Variants in NEGR1 observed in about 807,000 individuals in gnomAD.
The protein encoded by NEGR1 is neuronal growth regulator 1.
In NEGR1, 10 loss-of-function variants were observed where a neutral mutation model predicts 40.9. The observed-to-expected ratio is 0.24, with a 90% CI of 0.15 to 0.42. The LOEUF (loss-of-function observed/expected upper bound fraction) is 0.42, where lower values mean the gene tolerates loss of function less well. Ranked by LOEUF, NEGR1 falls within the 10% of genes least tolerant of loss-of-function variation. The probability of loss-of-function intolerance (pLI) is 1.00; values close to 1 mark genes in which losing one functional copy is unlikely to be tolerated. For missense variants in NEGR1, 352 were observed against 438.9 expected (o/e 0.80, Z 1.77); for synonymous variants, 185 against 166.8 (o/e 1.11, Z -0.84).
chr1:71,698,261 A>G lies in NEGR1; in HGVS notation c.536-122T>C. 6.0e-6 allele frequency: 5 copies of G among 834,184 alleles called. No individual in the cohort carries two copies. In the South Asian group the frequency reaches 9.0e-5, roughly 15 times the overall value. The allele number at this position is 834,184 out of a possible 1,614,324, so 51.7% of individuals were successfully genotyped here. On this transcript the variant is annotated intron_variant, in intron 3 of 6. Transcript: ENST00000357731. ...AAACAATTCCAAATGAAACTGGGGAATTATTAAACCTTTTGTTCTTCTATG... is the reference window on the plus strand; with the variant it reads ...AAACAATTCCAAATGAAACTGGGGAGTTATTAAACCTTTTGTTCTTCTATG...
chr1:71,999,041 T>C (rs1474914348), intron 1 of NEGR1, among the ~76,000 whole-genome samples: 3 of 151,954 alleles, frequency 2.0e-5, no homozygotes. Flanking sequence ...ATTGAATGAA[T>C]TGGCTTCTAC....
chr1:71,611,000 C>A (rs755128597), intron 5 of NEGR1, 26 bp downstream of exon 5: 1 of 1,611,436 alleles, frequency 6.2e-7, no homozygotes, highest in Non-Finnish European at 8.5e-7. Flanking sequence ...GTGCTTAGAA[C>A]ACAGTAATAA....
At chr1:71,586,458 G>A (rs939032128) in intron 6 of NEGR1, among the ~76,000 whole-genome samples, 1 of 152,120 alleles carries the variant, frequency 6.6e-6, no homozygotes, top group Admixed American at 6.6e-5. Context: ...TTATTTGGAG[G>A]AATAAAGGGT....
intron 1 of NEGR1, among the ~76,000 whole-genome samples, chr1:72,014,997 A>C (rs1646696360): frequency 6.6e-6 from 1 of 152,090 alleles, no homozygotes; most frequent in African/African-American, 2.4e-5. Context: ...TTTTCTAAGG[A>C]TCAATTATTT....
intron 6 of NEGR1, among the ~76,000 whole-genome samples, chr1:71,584,458 G>C (rs1286275821): frequency 6.6e-6 from 1 of 152,164 alleles, no homozygotes; most frequent in Non-Finnish European, 1.5e-5. Context: ...GAAATAGGAA[G>C]TTTAATCATA....
chr1:72,153,308 T>C (rs1450625927), intron 1 of NEGR1, among the ~76,000 whole-genome samples: 1 of 151,828 alleles, frequency 6.6e-6, no homozygotes, highest in Non-Finnish European at 1.5e-5. Flanking sequence ...GTGAGATTTA[T>C]CAGGAAAAAG....
At chr1:71,771,568 C>T (rs973819506) in intron 3 of NEGR1, among the ~76,000 whole-genome samples, 5 of 151,498 alleles carry the variant, frequency 3.3e-5, no homozygotes, top group East Asian at 1.9e-4. Flanking sequence ...GGCATGGTGG[C>T]GCATGCCTGT....
intron 1 of NEGR1, among the ~76,000 whole-genome samples, chr1:72,115,705 G>T (rs969595009): frequency 6.6e-6 from 1 of 151,640 alleles, no homozygotes; most frequent in African/African-American, 2.4e-5. Flanking sequence ...TGGGTATACG[G>T]GAAGTACCCT....
intron 1 of NEGR1, among the ~76,000 whole-genome samples, chr1:72,058,984 CTT>C (rs1476835463): frequency 6.6e-6 from 1 of 151,538 alleles, no homozygotes; most frequent in Non-Finnish European, 1.5e-5. Context: ...CTAATGAAGA[CTT>C]TACTTTTACA....
chr1:71,913,532 C>G (rs1661483107), intron 2 of NEGR1, among the ~76,000 whole-genome samples: 1 of 152,134 alleles, frequency 6.6e-6, no homozygotes, highest in Non-Finnish European at 1.5e-5. Flanking sequence ...TTCCCATGTT[C>G]TCGTTTTTGG....
At chr1:72,270,219 T>C (rs143254244) in intron 1 of NEGR1, among the ~76,000 whole-genome samples, 152 of 151,982 alleles carry the variant, frequency 1.0e-3, no homozygotes, top group African/African-American at 3.6e-3. Context: ...GTATGTCATA[T>C]ATGGTAGATG....
At chr1:72,204,466 A>G (rs1215196693) in intron 1 of NEGR1, among the ~76,000 whole-genome samples, 3 of 152,178 alleles carry the variant, frequency 2.0e-5, no homozygotes, top group Non-Finnish European at 4.4e-5. Context: ...TCGTATCAGT[A>G]GAACTTCTGT....
At chr1:72,237,074 G>T (rs72941276) in intron 1 of NEGR1, among the ~76,000 whole-genome samples, 2,768 of 151,864 alleles carry the variant, frequency 0.018, 66 homozygotes, top group African/African-American at 0.061. Context: ...TATCTTTCAA[G>T]AATTTTTAAA....
chr1:72,139,395 T>C (rs534819881), intron 1 of NEGR1, among the ~76,000 whole-genome samples: 1 of 152,002 alleles, frequency 6.6e-6, no homozygotes, highest in Non-Finnish European at 1.5e-5. Flanking sequence ...GTTAAACTTT[T>C]AATCATACTG....
At chr1:71,903,848 G>A (rs1253182453) in intron 2 of NEGR1, among the ~76,000 whole-genome samples, 2 of 151,422 alleles carry the variant, frequency 1.3e-5, no homozygotes, top group African/African-American at 4.8e-5. Context: ...AAAAAATGAT[G>A]TATTTTTCTA....
intron 6 of NEGR1, among the ~76,000 whole-genome samples, chr1:71,559,008 T>C (rs564443650): frequency 3.1e-5 from 1 of 31,994 alleles, no homozygotes; most frequent in East Asian, 5.8e-4. Flanking sequence ...ATTTATCTTC[T>C]CTGTGTGTGT....
At chr1:71,675,500 A>ACT (rs1166797796) in intron 4 of NEGR1, among the ~76,000 whole-genome samples, 12 of 150,310 alleles carry the variant, frequency 8.0e-5, no homozygotes, top group African/African-American at 2.7e-4. Flanking sequence ...TCCCTCTCTC[A>ACT]CTCTCTCTCT....
rs149453762 is a variant in NEGR1 at position 71,453,703 on chromosome 1, G to C, written c.941-46133C>G. Reference sequence around the variant, plus strand: ...AATACAAGCAAGTGCTATTGCCCTCGATGATATTTTATACTGCAGAATTGT... The same window carrying C: ...AATACAAGCAAGTGCTATTGCCCTCCATGATATTTTATACTGCAGAATTGT... On this transcript the variant is annotated intron_variant, in intron 6 of 6. Coordinates refer to ENST00000357731, the MANE Select transcript of NEGR1 (RefSeq NM_173808.3). 1.1e-4 allele frequency among the ~76,000 whole-genome samples: 17 copies of C among 152,228 alleles called. No homozygotes were observed. The East Asian group carries it at 2.9e-3, about 26-fold the overall frequency.
At chr1:71,582,435 T>G (rs547720997) in intron 6 of NEGR1, among the ~76,000 whole-genome samples, 1 of 152,292 alleles carries the variant, frequency 6.6e-6, no homozygotes, top group African/African-American at 2.4e-5. Flanking sequence ...TTTTTTTAAC[T>G]TTTGCCTCTA....
Sources: gnomAD v4.1 joint callset for allele counts (sites outside exome capture counted in the v4.1 genomes callset) on GRCh38, gnomAD v4.1.1 for gene constraint, MANE v1.5 for transcripts, NCBI Gene and HGNC (gene_info 2026-07-23, HGNC 2026-07-21) for gene names.